The following PAPSS1 variants were observed in gnomAD, a reference collection of about 807,000 sequenced individuals.
The protein encoded by PAPSS1 is 3'-phosphoadenosine 5'-phosphosulfate synthase 1, also known as bifunctional 3'-phosphoadenosine 5'-phosphosulfate synthase 1.
Under a neutral mutation model 72.0 loss-of-function variants are expected in PAPSS1, and 50 were observed. That is an observed-to-expected ratio of 0.69 (90% CI 0.55 to 0.88). The LOEUF is 0.88. PAPSS1 is among the 40% of genes least tolerant of loss of function. PAPSS1 has a pLI of 0.00. For synonymous variants in PAPSS1, 261 were observed against 263.6 expected (o/e 0.99, Z 0.09); for missense variants, 657 against 782.2 (o/e 0.84, Z 1.91).
chr4:107,644,990 G>C lies in PAPSS1; in HGVS notation c.1318C>G (p.Leu440Val). 1.9e-6 allele frequency: 3 copies of C among 1,613,126 alleles called. No individual in the cohort carries two copies. The highest frequency in any genetic ancestry group is 2.5e-6 in the Non-Finnish European group (3 of 1,179,412). The change falls in exon 10 of 12, where the codon CTA (leucine) becomes GTA (valine). Residue 440 changes from leucine (L) to valine (V), a missense_variant. This residue lies in a region of PAPSS1 where 166 missense variants were observed against 228.3 expected (regional missense o/e 0.73). Transcript: ENST00000265174. ...LLMQDTHKQL[L>V]ERGYRRPVLL... ...ACAGGGCGCCGGTAGCCCCTCTCTA[G>C]AAGTTGCTTATGGGTATCCTGCATT...
rs1467996527 is a variant in PAPSS1, at chr4:107,614,079, T to G, written c.*170A>C. On this transcript the variant is annotated 3_prime_UTR_variant, in exon 12 of 12. Transcript: ENST00000265174. ...ATTAAAACCATCAGTGTGTTACACT[T>G]GTTCAAAACAGAACTCATAAGGCAG... 1.4e-5 allele frequency: 7 copies of G among 501,008 alleles called. No homozygotes were observed. The Admixed American group carries it at 1.9e-4, about 13-fold the overall frequency. The allele number at this position is 501,008 out of a possible 1,614,324, so 31.0% of individuals were successfully genotyped here.
At chr4:107,639,799 C>T (rs1319404641) in intron 10 of PAPSS1, among the ~76,000 whole-genome samples, 1 of 152,124 alleles carries the variant, frequency 6.6e-6, no homozygotes, top group African/African-American at 2.4e-5. Context: ...CTAACAGACA[C>T]CCTACTCACT....
intron 5 of PAPSS1, among the ~76,000 whole-genome samples, chr4:107,662,333 A>G (rs1317401161): frequency 6.6e-6 from 1 of 152,196 alleles, no homozygotes; most frequent in Non-Finnish European, 1.5e-5. Flanking sequence ...TCTGCAATTA[A>G]GCTTCCAGCA....
chr4:107,642,243 G>A (rs1726565669), intron 10 of PAPSS1, among the ~76,000 whole-genome samples: 1 of 151,906 alleles, frequency 6.6e-6, no homozygotes, highest in Non-Finnish European at 1.5e-5. Flanking sequence ...AAAAGATGTG[G>A]CTACATATTT....
chr4:107,632,688 T>C (rs908177136), intron 10 of PAPSS1, among the ~76,000 whole-genome samples: 1 of 152,164 alleles, frequency 6.6e-6, no homozygotes, highest in Non-Finnish European at 1.5e-5. Flanking sequence ...TAGTTCAACA[T>C]TCTCCATAAA....
Position 107,644,890 on chromosome 4 carries a change from G to T in PAPSS1, c.1418C>A (p.Ala473Asp). 1 of 1,613,972 alleles carries T rather than the reference G, an allele frequency of 6.2e-7. No homozygotes were observed. The highest frequency in any genetic ancestry group is 1.1e-5 in the South Asian group (1 of 91,080). ...VPLMWRMKQH[A>D]AVLEEGVLNP... ...CAGAACTCCTTCCTCCAACACTGCAGCATGCTGCTTCATACGCCACATCAA... is the reference window on the plus strand; with the variant it reads ...CAGAACTCCTTCCTCCAACACTGCATCATGCTGCTTCATACGCCACATCAA... Residue 473 changes from alanine to aspartate, a missense_variant, in exon 10 of 12, where the codon GCT (alanine) becomes GAT (aspartate). By Grantham distance (126) the Ala-to-Asp change is moderately radical (BLOSUM62 -2). Transcript: ENST00000265174.
chr4:107,683,497 G>C (rs998063519), intron 4 of PAPSS1, among the ~76,000 whole-genome samples: 11 of 152,130 alleles, frequency 7.2e-5, no homozygotes, highest in Non-Finnish European at 1.3e-4. Flanking sequence ...CTTGGCACTG[G>C]ATTTTTTAAA....
chr4:107,709,823 T>A (rs1419582392), intron 1 of PAPSS1, among the ~76,000 whole-genome samples: 1 of 152,204 alleles, frequency 6.6e-6, no homozygotes, highest in Non-Finnish European at 1.5e-5. Flanking sequence ...TAAAAAACTC[T>A]GGCCTCTAAA....
At chr4:107,652,675 T>C (rs1382345108) in intron 9 of PAPSS1, among the ~76,000 whole-genome samples, 3 of 152,198 alleles carry the variant, frequency 2.0e-5, no homozygotes, top group Non-Finnish European at 4.4e-5. Flanking sequence ...AAAAGTTCCG[T>C]TGTTCCATTA....
At chr4:107,675,879 C>T (rs573651414) in intron 5 of PAPSS1, among the ~76,000 whole-genome samples, 10 of 152,290 alleles carry the variant, frequency 6.6e-5, no homozygotes, top group African/African-American at 2.2e-4. Flanking sequence ...GCTGGTTCAA[C>T]ATACACAAAT....
intron 4 of PAPSS1, among the ~76,000 whole-genome samples, chr4:107,682,388 A>G (rs2110336746): frequency 6.6e-6 from 1 of 152,234 alleles, no homozygotes; most frequent in Middle Eastern, 3.4e-3. Context: ...ATAGGCTGCA[A>G]TAAGAATAAT....
At position 107,631,802 on chromosome 4, in the gene PAPSS1, C is replaced by T. The variant is rs754423801; in HGVS notation, c.1565G>A (p.Arg522Gln). ...VAGANFYIVG[R>Q]DPAGMPHPET... ...TGGATGAGGCATGCCAGCAGGGTCT[C>T]GTCCAACAATGTAAAAGTTGGCTCC... is the stretch of plus-strand genomic sequence containing the variant. Residue 522 changes from arginine to glutamine, a missense_variant, in exon 11 of 12, where the codon CGA becomes CAA. Coordinates refer to ENST00000265174, the MANE Select transcript of PAPSS1 (RefSeq NM_005443.5). The T allele has an allele frequency of 4.3e-6, 7 of 1,614,086 alleles. No homozygotes were observed. The highest frequency in any genetic ancestry group is 2.2e-5 in the East Asian group (1 of 44,852).
At chr4:107,625,595 GC>G (rs768572544) in intron 11 of PAPSS1, among the ~76,000 whole-genome samples, 1 of 152,208 alleles carries the variant, frequency 6.6e-6, no homozygotes, top group Non-Finnish European at 1.5e-5. Context: ...TCCTTTCAGA[GC>G]CTTCAGATAA....
chr4:107,635,094 G>C (rs1453089205), intron 10 of PAPSS1, among the ~76,000 whole-genome samples: 1 of 151,910 alleles, frequency 6.6e-6, no homozygotes, highest in Non-Finnish European at 1.5e-5. Context: ...CACCGCGCTT[G>C]GCCTATTCTA....
At chr4:107,674,880 C>T (rs1410927352) in intron 5 of PAPSS1, among the ~76,000 whole-genome samples, 1 of 152,198 alleles carries the variant, frequency 6.6e-6, no homozygotes, top group African/African-American at 2.4e-5. Flanking sequence ...TTAAGAAACT[C>T]ACTCAAAACC....
chr4:107,688,265 G>A (rs1722838360), intron 3 of PAPSS1, among the ~76,000 whole-genome samples: 1 of 152,098 alleles, frequency 6.6e-6, no homozygotes, highest in Non-Finnish European at 1.5e-5. Context: ...AACTGCTAAG[G>A]GAAGTTCACC....
rs565902150 is a variant in PAPSS1 at position 107,701,778 on chromosome 4, G to C, written c.61-493C>G. ...ATCAGAGAGTGATAAGTGCACTGTAGAAAAATAACATAGGGTAAAAAAGGA... is the reference window on the plus strand; with the variant it reads ...ATCAGAGAGTGATAAGTGCACTGTACAAAAATAACATAGGGTAAAAAAGGA... On this transcript the variant is annotated intron_variant, in intron 1 of 11. Transcript: ENST00000265174. 1.1e-4 allele frequency among the ~76,000 whole-genome samples: 16 copies of C among 152,188 alleles called. No homozygotes were observed. In the South Asian group the frequency reaches 3.3e-3, roughly 32 times the overall value.
chr4:107,621,684 G>A (rs542048663), intron 11 of PAPSS1, among the ~76,000 whole-genome samples: 5 of 130,310 alleles, frequency 3.8e-5, no homozygotes, highest in East Asian at 4.7e-4. Flanking sequence ...GCAGTGGCAC[G>A]ATATCAGCTC....
chr4:107,671,891 T>G (rs1026410961), intron 5 of PAPSS1, among the ~76,000 whole-genome samples: 1 of 152,168 alleles, frequency 6.6e-6, no homozygotes, highest in Non-Finnish European at 1.5e-5. Context: ...TCCATGGTTG[T>G]TTGTATCCAC....
Sources: gnomAD v4.1 joint callset for allele counts (sites outside exome capture counted in the v4.1 genomes callset) on GRCh38, gnomAD v4.1.1 for gene constraint, gnomAD v4.1.1 regional missense constraint, MANE v1.5 for transcripts, NCBI Gene and HGNC (gene_info 2026-07-23, HGNC 2026-07-21) for gene names.